The following PSD3 variants were observed in gnomAD, a reference collection of about 807,000 sequenced individuals.
The protein encoded by PSD3 is pleckstrin and Sec7 domain containing 3, also known as PH and SEC7 domain-containing protein 3.
Under a neutral mutation model 105.5 loss-of-function variants are expected in PSD3, and 49 were observed. That is an observed-to-expected ratio of 0.46 (90% CI 0.37 to 0.59). The LOEUF (loss-of-function observed/expected upper bound fraction) is 0.59, where lower values mean the gene tolerates loss of function less well. PSD3 is among the 20% of genes least tolerant of loss of function. The pLI is 0.00. For missense variants in PSD3, 1,561 were observed against 1,263.8 expected (o/e 1.24, Z -3.57); for synonymous variants, 557 against 457.8 (o/e 1.22, Z -2.77).
chr8:18,808,814 T>C, intron 4 of PSD3: 2 of 1,613,610 alleles, frequency 1.2e-6, no homozygotes, highest in Non-Finnish European at 1.7e-6. Context: ...GCCTGGACCA[T>C]CCTTCCTCTC....
At chr8:19,076,027 GA>G (rs1829453156) in intron 1 of PSD3, among the ~76,000 whole-genome samples, 2 of 151,964 alleles carry the variant, frequency 1.3e-5, no homozygotes, top group South Asian at 4.2e-4. Context: ...CCTAATAAAT[GA>G]AAAAAAGGCA....
chr8:19,008,139 C>T (rs573508425), intron 1 of PSD3, among the ~76,000 whole-genome samples: 4 of 152,278 alleles, frequency 2.6e-5, no homozygotes, highest in African/African-American at 9.6e-5. Context: ...CCATGGCGCC[C>T]GGCCAAGGGA....
At chr8:18,693,917 G>T (rs748177452) in intron 9 of PSD3, among the ~76,000 whole-genome samples, 4 of 152,166 alleles carry the variant, frequency 2.6e-5, no homozygotes, top group Non-Finnish European at 4.4e-5. Flanking sequence ...ATTAGATGGT[G>T]CAGGGCAAAC....
intron 8 of PSD3, chr8:18,774,715 G>C: frequency 2.8e-6 from 1 of 362,902 alleles, no homozygotes; most frequent in South Asian, 2.1e-5. Flanking sequence ...AACTTCCTGA[G>C]GTTTGTTTTC....
At chr8:19,067,607 C>A (rs1829120443) in intron 1 of PSD3, among the ~76,000 whole-genome samples, 1 of 152,182 alleles carries the variant, frequency 6.6e-6, no homozygotes, top group Admixed American at 6.5e-5. Context: ...GTGGTTCAGG[C>A]ACAGAGGCTT....
At chr8:18,537,873 C>T (rs577559169) in intron 15 of PSD3, among the ~76,000 whole-genome samples, 192 of 152,252 alleles carry the variant, frequency 1.3e-3, no homozygotes, top group African/African-American at 4.4e-3. Context: ...GATGGGGTTT[C>T]GCCATGTTGG....
At chr8:18,581,381 G>A (rs1430185466) in intron 12 of PSD3, among the ~76,000 whole-genome samples, 1 of 151,782 alleles carries the variant, frequency 6.6e-6, no homozygotes, top group Admixed American at 6.6e-5. Flanking sequence ...TTGGGCTCAG[G>A]GGCACTGCAA....
intron 9 of PSD3, among the ~76,000 whole-genome samples, chr8:18,754,511 G>C (rs144944766): frequency 1.5e-3 from 228 of 152,190 alleles, no homozygotes; most frequent in Admixed American, 6.6e-3. Context: ...CAGCTGGCTC[G>C]GTGATAGTCA....
At chr8:18,961,453 C>G (rs550242165) in intron 1 of PSD3, among the ~76,000 whole-genome samples, 1 of 152,142 alleles carries the variant, frequency 6.6e-6, no homozygotes, top group Non-Finnish European at 1.5e-5. Context: ...CTTTGGGAGG[C>G]CAAGGCGGGC....
chr8:18,790,026 A>C (rs190057293), intron 8 of PSD3, among the ~76,000 whole-genome samples: 1 of 152,204 alleles, frequency 6.6e-6, no homozygotes, highest in Non-Finnish European at 1.5e-5. Context: ...CCATATATAA[A>C]CCTGTTCTTA....
chr8:18,993,624 A>C (rs913149816), intron 1 of PSD3, among the ~76,000 whole-genome samples: 1 of 151,690 alleles, frequency 6.6e-6, no homozygotes, highest in Non-Finnish European at 1.5e-5. Context: ...TTATCCCCCC[A>C]ATTCAGTTGT....
At chr8:18,777,890 C>T (rs552479382) in intron 8 of PSD3, among the ~76,000 whole-genome samples, 49 of 152,220 alleles carry the variant, frequency 3.2e-4, no homozygotes, top group African/African-American at 1.1e-3. Context: ...TGAGGGAGAG[C>T]ATACAATATG....
intron 2 of PSD3, among the ~76,000 whole-genome samples, chr8:18,900,164 G>A (rs1014322305): frequency 2.3e-4 from 35 of 151,906 alleles, no homozygotes; most frequent in South Asian, 1.5e-3. Flanking sequence ...TAAAATTATC[G>A]AACCATCTTT....
intron 2 of PSD3, among the ~76,000 whole-genome samples, chr8:18,903,862 C>G (rs1357998576): frequency 6.6e-6 from 1 of 152,094 alleles, no homozygotes. Context: ...GAAGGTGTGA[C>G]TTCTCCGAGT....
At chr8:19,031,481 G>A (rs781267593) in intron 1 of PSD3, among the ~76,000 whole-genome samples, 6 of 144,682 alleles carry the variant, frequency 4.1e-5, no homozygotes, top group Non-Finnish European at 6.2e-5. Flanking sequence ...AGTACTATAC[G>A]GTAAATGCAA....
At chr8:18,823,606 T>C (rs1812925160) in intron 4 of PSD3, among the ~76,000 whole-genome samples, 1 of 152,148 alleles carries the variant, frequency 6.6e-6, no homozygotes. Flanking sequence ...AGATGACGTT[T>C]CTACACCTTG....
chr8:18,793,379 AAAAC>A (rs1809915719), intron 8 of PSD3, among the ~76,000 whole-genome samples: 3 of 151,410 alleles, frequency 2.0e-5, no homozygotes, highest in East Asian at 1.9e-4. Context: ...ATAGAAAAAA[AAAAC>A]AAAACAAAAC....
intron 9 of PSD3, among the ~76,000 whole-genome samples, chr8:18,755,130 A>G (rs1020484979): frequency 2.6e-5 from 4 of 152,108 alleles, no homozygotes; most frequent in African/African-American, 9.7e-5. Context: ...ATGACACTTT[A>G]AACATGCTCC....
chr8:18,843,177 G>T (rs1327944068), intron 4 of PSD3, among the ~76,000 whole-genome samples: 1 of 151,958 alleles, frequency 6.6e-6, no homozygotes, highest in East Asian at 1.9e-4. Flanking sequence ...TGGCTACCAC[G>T]GTGAAACCCC....
Sources: allele counts gnomAD v4.1 joint callset (sites outside exome capture counted in the v4.1 genomes callset), GRCh38; gene constraint gnomAD v4.1.1; transcripts MANE v1.5; gene names NCBI Gene and HGNC (gene_info 2026-07-23, HGNC 2026-07-21).